The following CDH12 variants were observed in gnomAD, a reference collection of about 807,000 sequenced individuals.
CDH12 encodes the protein cadherin 12.
CDH12 carries 41 observed loss-of-function variants against 74.1 expected under a neutral mutation model. The observed-to-expected ratio is 0.55, with a 90% confidence interval of 0.43 to 0.72. CDH12 has a LOEUF of 0.72. Among genes scored for constraint, CDH12 ranks in the 30% least tolerant of loss-of-function variants. The pLI, the probability that CDH12 is intolerant of heterozygous loss-of-function variation, is 0.00. For missense variants in CDH12, 945 were observed against 977.2 expected (o/e 0.97, Z 0.44); for synonymous variants, 399 against 355.0 (o/e 1.12, Z -1.39).
At chr5:22,073,290 C>T (rs538219976) in intron 5 of CDH12, among the ~76,000 whole-genome samples, 7 of 152,244 alleles carry the variant, frequency 4.6e-5, no homozygotes, top group African/African-American at 1.7e-4. Context: ...TTGCTGCTAA[C>T]AGGGATTTAT....
At chr5:22,200,668 A>C (rs1263285062) in intron 4 of CDH12, among the ~76,000 whole-genome samples, 1 of 152,220 alleles carries the variant, frequency 6.6e-6, no homozygotes, top group Admixed American at 6.5e-5. Context: ...CTGACATTTC[A>C]TCAAGGGGAC....
chr5:22,552,646 C>G (rs539530084), intron 1 of CDH12, among the ~76,000 whole-genome samples: 14 of 152,238 alleles, frequency 9.2e-5, no homozygotes, highest in East Asian at 5.8e-4. Context: ...TCAGGGTTGT[C>G]TTGATCTCCT....
chr5:21,965,307 A>AG (rs1170546203), intron 6 of CDH12, among the ~76,000 whole-genome samples: 2 of 151,944 alleles, frequency 1.3e-5, no homozygotes, highest in Admixed American at 6.6e-5. Context: ...GCAAAAAGAG[A>AG]GGGGAAAAAG....
At chr5:22,768,969 C>G (rs1746665646) in intron 1 of CDH12, among the ~76,000 whole-genome samples, 2 of 152,166 alleles carry the variant, frequency 1.3e-5, no homozygotes, top group South Asian at 4.1e-4. Context: ...AGAATTATAT[C>G]CTCTCTTCGC....
chr5:22,831,317 T>C (rs1561062556), intron 1 of CDH12, among the ~76,000 whole-genome samples: 2 of 150,006 alleles, frequency 1.3e-5, no homozygotes, highest in African/African-American at 2.4e-5. Context: ...AGAAATGAAA[T>C]AGGAGAGACA....
At chr5:21,753,953 G>A (rs915384494) in intron 14 of CDH12, among the ~76,000 whole-genome samples, 1 of 152,162 alleles carries the variant, frequency 6.6e-6, no homozygotes, top group African/African-American at 2.4e-5. Context: ...ATGGGAATGT[G>A]AGTGCCATAG....
chr5:21,910,750 A>G (rs1438817020), intron 6 of CDH12, among the ~76,000 whole-genome samples: 1 of 151,580 alleles, frequency 6.6e-6, no homozygotes, highest in Non-Finnish European at 1.5e-5. Flanking sequence ...AGATTCCACC[A>G]CACCAAGAAA....
At chr5:22,326,990 G>A (rs1739137940) in intron 3 of CDH12, among the ~76,000 whole-genome samples, 1 of 152,018 alleles carries the variant, frequency 6.6e-6, no homozygotes, top group Non-Finnish European at 1.5e-5. Context: ...TTTCTAATTA[G>A]TAGAGAAAAA....
At chr5:21,963,093 CGATAGATAGATAGATAGATA>C (rs199706779) in intron 6 of CDH12, among the ~76,000 whole-genome samples, 1 of 150,854 alleles carries the variant, frequency 6.6e-6, no homozygotes, top group African/African-American at 2.4e-5. Context: ...TTACAAATAT[CGATAGATAGATAGATAGATA>C]GATAGATAGA....
At position 21,880,572 on chromosome 5, in the gene CDH12, T is replaced by TTTCTTTCTTTCC. The variant is rs1752224436; in HGVS notation, c.527-25783_527-25782insGGAAAGAAAGAA. On this transcript the variant is annotated intron_variant, in intron 6 of 14. Transcript: ENST00000382254. ...CTTCCTTCCTTCCTTCCCTTCTTTC[T>TTTCTTTCTTTCC]TTCCTTCCTTCCTTCCTTCCTTCCT... Among the ~76,000 whole-genome samples the TTTCTTTCTTTCC allele has an allele frequency of 1.7e-3, 22 of 12,952 alleles. 3 individuals are homozygous for TTTCTTTCTTTCC. Among genetic ancestry groups the TTTCTTTCTTTCC allele is most frequent in the African/African-American group, 3.3e-3 (22 of 6,648 alleles). The allele number at this position is 12,952 out of a possible 152,430, so 8.5% of individuals were successfully genotyped here.
At chr5:22,318,465 G>C (rs1392033650) in intron 3 of CDH12, among the ~76,000 whole-genome samples, 2 of 152,130 alleles carry the variant, frequency 1.3e-5, no homozygotes, top group South Asian at 2.1e-4. Flanking sequence ...AATGTGCAGG[G>C]GGAGGCTCCT....
At chr5:22,719,438 T>A (rs1743762282) in intron 1 of CDH12, among the ~76,000 whole-genome samples, 1 of 152,174 alleles carries the variant, frequency 6.6e-6, no homozygotes, top group Non-Finnish European at 1.5e-5. Flanking sequence ...AAAGATAGCC[T>A]TCCATCCTTT....
chr5:22,140,295 G>A (rs1326816009), intron 4 of CDH12, among the ~76,000 whole-genome samples: 3 of 151,700 alleles, frequency 2.0e-5, no homozygotes, highest in Admixed American at 6.6e-5. Flanking sequence ...AGACATACTA[G>A]ACAAGCTATT....
chr5:21,957,487 C>T (rs1200583741), intron 6 of CDH12, among the ~76,000 whole-genome samples: 1 of 152,150 alleles, frequency 6.6e-6, no homozygotes, highest in African/African-American at 2.4e-5. Context: ...TGAGGAATTG[C>T]CATGCTGCTT....
intron 9 of CDH12, among the ~76,000 whole-genome samples, chr5:21,816,649 A>AAAAAAAAAAAAAAAAAC (rs1561209107): frequency 6.9e-6 from 1 of 145,178 alleles, no homozygotes; most frequent in African/African-American, 2.5e-5. Flanking sequence ...AAAAAAAAAA[A>AAAAAAAAAAAAAAAAAC]AAAAGAATAG....
chr5:22,124,597 G>A (rs1278031552), intron 4 of CDH12, among the ~76,000 whole-genome samples: 3 of 152,138 alleles, frequency 2.0e-5, no homozygotes, highest in African/African-American at 7.2e-5. Context: ...TTGGAAGCAG[G>A]TCCTTCAGTG....
At chr5:22,177,140 A>G (rs545629308) in intron 4 of CDH12, among the ~76,000 whole-genome samples, 2 of 152,240 alleles carry the variant, frequency 1.3e-5, no homozygotes, top group South Asian at 4.1e-4. Context: ...TTGACTTCCT[A>G]GGTGGTTACT....
intron 5 of CDH12, among the ~76,000 whole-genome samples, chr5:22,013,470 A>G (rs970615193): frequency 6.6e-6 from 1 of 152,180 alleles, no homozygotes; most frequent in Non-Finnish European, 1.5e-5. Flanking sequence ...GAATGCATGC[A>G]TATTCTTAAA....
intron 3 of CDH12, among the ~76,000 whole-genome samples, chr5:22,390,507 A>G (rs1742195382): frequency 6.6e-6 from 1 of 152,056 alleles, no homozygotes; most frequent in Non-Finnish European, 1.5e-5. Flanking sequence ...CTCACTTCCA[A>G]AGGAAATCTT....
Sources: allele counts gnomAD v4.1 joint callset (sites outside exome capture counted in the v4.1 genomes callset), GRCh38; gene constraint gnomAD v4.1.1; transcripts MANE v1.5; gene names NCBI Gene and HGNC (gene_info 2026-07-23, HGNC 2026-07-21).